ARHGEF16: variants seen among roughly 807,000 people sequenced by gnomAD.
ARHGEF16 encodes the protein Rho guanine exchange factor (GEF) 16.
Under a neutral mutation model 74.1 loss-of-function variants are expected in ARHGEF16, and 59 were observed. The ratio of observed to expected loss-of-function variants is 0.80; its 90% CI spans 0.65 to 0.99. ARHGEF16 has a LOEUF of 0.99. Ranked by LOEUF, ARHGEF16 falls within the 50% of genes least tolerant of loss-of-function variation. The pLI, the probability that ARHGEF16 is intolerant of heterozygous loss-of-function variation, is 0.00. For missense variants in ARHGEF16, 948 were observed against 986.6 expected (o/e 0.96, Z 0.52); for synonymous variants, 415 against 412.6 (o/e 1.01, Z -0.07).
Position 3,463,151 on chromosome 1 carries a change from C to G in ARHGEF16, c.67C>G (p.Leu23Val). The change falls in exon 2 of 15, where the codon CTC becomes GTC. Residue 23 changes from leucine to valine, a missense_variant. Transcript: ENST00000378378. ...KLLGHRFHSELRLDAGGNPAS... is the reference protein window; with the variant it reads ...KLLGHRFHSEVRLDAGGNPAS... ...CCTGGGACACCGCTTCCACTCGGAG[C>G]TCCGGCTCGATGCCGGGGGGAACCC... 1 of 1,502,266 alleles carries G rather than the reference C, an allele frequency of 6.7e-7. No individual in the cohort carries two copies. The highest frequency in any genetic ancestry group is 8.9e-7 in the Non-Finnish European group (1 of 1,120,282). The allele number at this position is 1,502,266 out of a possible 1,614,324, so 93.1% of individuals were successfully genotyped here.
chr1:3,474,667 GCCAGAGGGGA>G, intron 8 of ARHGEF16, 31 bp from the exon 9 acceptor site: 1 of 1,586,200 alleles, frequency 6.3e-7, no homozygotes. Context: ...CACCTGGGAT[GCCAGAGGGGA>G]CTTTCTGTCC....
chr1:3,461,602 T>C lies in ARHGEF16; in HGVS notation c.-19-1464T>C, dbSNP rs189222254. The stretch of plus-strand genomic sequence containing the variant: ...TGAGGGTTGCAAGTGCCCAGGGGGG[T>C]TGCAAGCAGCCCGGGGCGTGAAAGC... On this transcript the variant is annotated intron_variant, in intron 1 of 14. Coordinates refer to ENST00000378378, the MANE Select transcript of ARHGEF16 (RefSeq NM_014448.4). Among the ~76,000 whole-genome samples the C allele has an allele frequency of 3.3e-3, 503 of 151,718 alleles. 3 individuals are homozygous for C. Among genetic ancestry groups the C allele is most frequent in the Middle Eastern group, 6.8e-3 (2 of 294 alleles).
Position 3,469,506 on chromosome 1 carries a change from A to G in ARHGEF16, c.935A>G (p.Gln312Arg), listed in dbSNP as rs1168747105. 1 of 1,613,206 alleles carries G rather than the reference A, an allele frequency of 6.2e-7. No homozygotes were observed. Among genetic ancestry groups the G allele is most frequent in the South Asian group, 1.1e-5 (1 of 91,084 alleles). ...AGCATCCTGGTGGAGGAGTTCCTGC[A>G]GTCCAAGGAGCTGCGGGCGACCGTG... is the stretch of plus-strand genomic sequence containing the variant. ...SLSILVEEFL[Q>R]SKELRATVTQ... Residue 312 changes from glutamine to arginine, a missense_variant, in exon 6 of 15, where the codon CAG becomes CGG. By Grantham distance (43) the Gln-to-Arg change is conservative (BLOSUM62 1). Transcript: ENST00000378378.
chr1:3,466,313 C>A, intron 3 of ARHGEF16, 120 bp downstream of exon 3: 2 of 1,087,784 alleles, frequency 1.8e-6, no homozygotes, highest in Non-Finnish European at 2.6e-6. Context: ...AGCTGCTTGA[C>A]AGGGTCCTTC....
intron 3 of ARHGEF16, 83 bp from the exon 4 acceptor site, chr1:3,467,085 A>G (rs1639567162): frequency 1.4e-6 from 2 of 1,400,156 alleles, no homozygotes; most frequent in Non-Finnish European, 1.9e-6. Context: ...CTGTGGGCCT[A>G]GAGGACTCAG....
intron 14 of ARHGEF16, 146 bp from the exon 15 acceptor site, chr1:3,480,302 G>T (rs1172352381): frequency 4.1e-6 from 5 of 1,212,966 alleles, no homozygotes; most frequent in Admixed American, 2.5e-5. Flanking sequence ...CATGAGCAAG[G>T]CCTCAGCAGC....
Position 3,467,374 on chromosome 1 carries a change from G to A in ARHGEF16, c.804+37G>A, listed in dbSNP as rs762363065. The A allele has an allele frequency of 2.4e-5, 37 of 1,526,774 alleles. No individual in the cohort carries two copies. In the Admixed American group the frequency reaches 2.8e-4, roughly 12 times the overall value. 94.6% of individuals were successfully genotyped at this position (1,526,774 alleles called of 1,614,324 possible). A position where few individuals can be genotyped will look rare whatever the true frequency, so the allele number is the denominator to read the frequency against. On this transcript the variant is annotated intron_variant, in intron 4 of 14. Coordinates refer to ENST00000378378, the MANE Select transcript of ARHGEF16 (RefSeq NM_014448.4). ...GGGTGGGTGAGGCTGCCCCACAGAG[G>A]CAGGGAGAAGCCACAGTCCCCCTGC...
At position 3,473,519 on chromosome 1, in the gene ARHGEF16, G is replaced by A; in HGVS notation, c.1302G>A (p.Met434Ile). 6 of 1,608,088 alleles carry A rather than the reference G, an allele frequency of 3.7e-6. No homozygotes were observed. Among genetic ancestry groups the A allele is most frequent in the Non-Finnish European group, 5.1e-6 (6 of 1,179,994 alleles). ...GGGTGACCCGGCTGCCCCTCCTGAT[G>A]GATGTAAGTCCACGGCCTGAGGGTG... ...MQRVTRLPLL[M>I]DTLCLKTQGH... is the part of the protein sequence containing the mutation. The change falls in exon 8 of 15, where the codon ATG (methionine) becomes ATA (isoleucine). Residue 434 changes from methionine to isoleucine, a missense_variant. Transcript: ENST00000378378.
intron 1 of ARHGEF16, among the ~76,000 whole-genome samples, chr1:3,461,400 A>C (rs1480394635): frequency 6.6e-6 from 1 of 152,130 alleles, no homozygotes; most frequent in African/African-American, 2.4e-5. Flanking sequence ...CCTTGCTCTT[A>C]TCATGCCCAT....
chr1:3,465,691 G>C (rs1569849643), intron 2 of ARHGEF16, among the ~76,000 whole-genome samples: 1 of 152,324 alleles, frequency 6.6e-6, no homozygotes, highest in East Asian at 1.9e-4. Flanking sequence ...CTTCCCAGGA[G>C]CCCAGCCCTC....
chr1:3,459,790 G>A (rs1245046360), intron 1 of ARHGEF16, among the ~76,000 whole-genome samples: 1 of 152,204 alleles, frequency 6.6e-6, no homozygotes, highest in East Asian at 1.9e-4. Flanking sequence ...CTGCCCTGGG[G>A]CTCAGCGCCT....
In ARHGEF16 at chr1:3,467,056, C is replaced by A; in HGVS notation, c.635-112C>A. ...CAGTCCCCTCCCAAAGCCTCCCTCTCCCACACAGCCGTGAGAGCCTGTGGG... is the reference window on the plus strand; with the variant it reads ...CAGTCCCCTCCCAAAGCCTCCCTCTACCACACAGCCGTGAGAGCCTGTGGG... On this transcript the variant is annotated intron_variant, in intron 3 of 14. Transcript: ENST00000378378. The A allele has an allele frequency of 2.5e-6, 3 of 1,190,268 alleles. No individual in the cohort carries two copies. In the East Asian group the frequency reaches 7.8e-5, roughly 31 times the overall value. 73.7% of individuals were successfully genotyped at this position (1,190,268 alleles called of 1,614,324 possible).
chr1:3,478,682 C>T (rs1639968160), intron 12 of ARHGEF16, 70 bp downstream of exon 12: 1 of 1,491,902 alleles, frequency 6.7e-7, no homozygotes, highest in Non-Finnish European at 9.0e-7. Flanking sequence ...CGGGTTGTCC[C>T]CCTGCCTTGC....
At chr1:3,465,973 C>T in intron 2 of ARHGEF16, 175 bp from the exon 3 acceptor site, 2 of 668,164 alleles carry the variant, frequency 3.0e-6, no homozygotes, top group Non-Finnish European at 2.6e-6. Flanking sequence ...TCTGAGCCCT[C>T]CTCCCACCTC....
rs528907802 is a variant in ARHGEF16 at position 3,463,529 on chromosome 1, C to G, written c.445C>G (p.Leu149Val). 17 of 1,473,412 alleles carry G rather than the reference C, an allele frequency of 1.2e-5. No individual in the cohort carries two copies. The South Asian group carries it at 1.9e-4, about 17-fold the overall frequency. 91.3% of individuals were successfully genotyped at this position (1,473,412 alleles called of 1,614,324 possible). ...CCCCGGGGGCATGCTGAGGCGGAAC[C>G]TGCGGAACCAATCCTACCGGGCGGC... ...KDPGGMLRRN[L>V]RNQSYRAAMK... Residue 149 changes from leucine to valine, a missense_variant, in exon 2 of 15, where the codon CTG becomes GTG. Physicochemically the swap from Leu to Val is conservative, Grantham distance 32 (BLOSUM62 1). Coordinates refer to ENST00000378378, the MANE Select transcript of ARHGEF16 (RefSeq NM_014448.4).
chr1:3,466,793 C>T (rs1294116478), intron 3 of ARHGEF16, among the ~76,000 whole-genome samples: 1 of 152,206 alleles, frequency 6.6e-6, no homozygotes, highest in Non-Finnish European at 1.5e-5. Flanking sequence ...ACACAATGGC[C>T]CCTTCCAGCC....
intron 1 of ARHGEF16, among the ~76,000 whole-genome samples, chr1:3,456,320 C>T (rs1639263432): frequency 6.6e-6 from 1 of 152,208 alleles, no homozygotes; most frequent in South Asian, 2.1e-4. Flanking sequence ...CTGAGGATGG[C>T]CATCTGTGTT....
intron 6 of ARHGEF16, among the ~76,000 whole-genome samples, chr1:3,470,594 CGGTCA>C (rs1056766002): frequency 2.2e-5 from 3 of 135,422 alleles, no homozygotes; most frequent in Non-Finnish European, 3.2e-5. Flanking sequence ...GCTGTGTTTT[CGGTCA>C]GGTGTGTGTG....
intron 6 of ARHGEF16, chr1:3,471,604 C>T (rs1430698528): frequency 9.0e-7 from 1 of 1,110,436 alleles, no homozygotes; most frequent in Non-Finnish European, 1.1e-6. Context: ...GCCAGGCAGG[C>T]TTTGTGTTCT....
Sources: allele counts gnomAD v4.1 joint callset (sites outside exome capture counted in the v4.1 genomes callset), GRCh38; gene constraint gnomAD v4.1.1; transcripts MANE v1.5; gene names NCBI Gene and HGNC (gene_info 2026-07-23, HGNC 2026-07-21).